Variants in TNK2 observed in about 807,000 individuals in gnomAD.
TNK2 encodes the protein tyrosine kinase non receptor 2.
Under a neutral mutation model 101.8 loss-of-function variants are expected in TNK2, and 83 were observed. That is an observed-to-expected ratio of 0.82 (90% CI 0.68 to 0.98). The LOEUF is 0.98. Among genes scored for constraint, TNK2 ranks in the 50% least tolerant of loss-of-function variants. The pLI, the probability that TNK2 is intolerant of heterozygous loss-of-function variation, is 0.00. For synonymous variants in TNK2, 804 were observed against 633.0 expected, an observed-to-expected ratio of 1.27 and a Z score of -4.06; for missense variants, 1,665 against 1,483.2, an observed-to-expected ratio of 1.12 and a Z score of -2.01.
chr3:195,901,456 G>A (rs1209802623), intron 1 of TNK2, among the ~76,000 whole-genome samples: 1 of 152,152 alleles, frequency 6.6e-6, no homozygotes, highest in Admixed American at 6.5e-5. Context: ...CAGTATACAG[G>A]GGACAGAGGG....
At chr3:195,895,662 G>T in intron 1 of TNK2, 3 of 1,206,124 alleles carry the variant, frequency 2.5e-6, no homozygotes, top group East Asian at 3.2e-5. Flanking sequence ...GCGGAACCGG[G>T]CTCCACTCAG....
chr3:195,900,297 A>T (rs958443880), intron 1 of TNK2, among the ~76,000 whole-genome samples: 3 of 151,672 alleles, frequency 2.0e-5, no homozygotes, highest in African/African-American at 4.9e-5. Context: ...CAGAGCACAG[A>T]GGCAGAGGCA....
In TNK2 at chr3:195,872,134, G is replaced by C. The variant is rs572630168; in HGVS notation, c.1451+142C>G. 2.1e-4 allele frequency: 201 copies of C among 957,664 alleles called. No homozygotes were observed. In the East Asian group the frequency reaches 5.3e-3, roughly 25 times the overall value. The allele number at this position is 957,664 out of a possible 1,614,324, so 59.3% of individuals were successfully genotyped here. A position where few individuals can be genotyped will look rare whatever the true frequency, so the allele number is the denominator to read the frequency against. ...CCACAGCTTCCCGAGAGTAAGGCCA[G>C]GGTGAGGAGGGGAGAGTGGCGGGTC... On this transcript the variant is annotated intron_variant, in intron 10 of 15. Coordinates refer to ENST00000672887, the MANE Select transcript of TNK2 (RefSeq NM_001382273.1).
chr3:195,870,480 A>AC (rs1425416886), intron 10 of TNK2: 10 of 1,145,506 alleles, frequency 8.7e-6, no homozygotes, highest in East Asian at 1.1e-4. Context: ...GTCCTCCACA[A>AC]CCCCCCAGGC....
intron 1 of TNK2, chr3:195,896,372 G>T: frequency 3.2e-6 from 1 of 314,422 alleles, no homozygotes; most frequent in South Asian, 2.2e-5. Flanking sequence ...GCCAGACCCT[G>T]GAAGGTCACT....
At chr3:195,866,491 G>A (rs1204157348) in intron 15 of TNK2, among the ~76,000 whole-genome samples, 3 of 152,202 alleles carry the variant, frequency 2.0e-5, no homozygotes, top group South Asian at 2.1e-4. Context: ...CATGAGCCAC[G>A]GTGCCCAGCC....
intron 1 of TNK2, among the ~76,000 whole-genome samples, chr3:195,900,043 G>A (rs958273575): frequency 1.3e-5 from 2 of 152,052 alleles, no homozygotes; most frequent in Admixed American, 6.5e-5. Flanking sequence ...CAACCACTCC[G>A]ACCCCAGACC....
chr3:195,882,223 C>T lies in TNK2; in HGVS notation c.715G>A (p.Gly239Ser). ...CGCTTGGACTCCAGGTAGCCCATGCCCTCAGCCACCTGCACAGCGTAGCGG... is the reference window on the plus strand; with the variant it reads ...CGCTTGGACTCCAGGTAGCCCATGCTCTCAGCCACCTGCACAGCGTAGCGG... Reference protein sequence around the residue: ...LSRYAVQVAEGMGYLESKRFI... With the variant: ...LSRYAVQVAESMGYLESKRFI... Residue 239 changes from glycine to serine, a missense_variant, in exon 6 of 16, where the codon GGC becomes AGC. By Grantham distance (56) the Gly-to-Ser change is moderately conservative (BLOSUM62 0). Coordinates refer to ENST00000672887, the MANE Select transcript of TNK2 (RefSeq NM_001382273.1). The surrounding 1 kb of genome is among the most constrained non-coding windows in gnomAD (Gnocchi z 4.2). 3 of 1,613,820 alleles carry T rather than the reference C, an allele frequency of 1.9e-6. No individual in the cohort carries two copies. In the East Asian group the frequency reaches 6.7e-5, roughly 36 times the overall value.
chr3:195,885,436 C>T lies in TNK2; in HGVS notation c.235-403G>A, dbSNP rs1416292698. The stretch of plus-strand genomic sequence containing the variant: ...ACCCGCATCGATGGAGCCGCAGGGG[C>T]CCTCCACAGACACCTCCTTGTCCAT... On this transcript the variant is annotated intron_variant, in intron 3 of 15. Transcript: ENST00000672887. The surrounding 1 kb of genome is among the most constrained non-coding windows in gnomAD (Gnocchi z 4.7). 1 of 1,326,566 alleles carries T rather than the reference C, an allele frequency of 7.5e-7. No individual in the cohort carries two copies. The highest frequency in any genetic ancestry group is 1.2e-5 in the South Asian group (1 of 81,282). 82.2% of individuals were successfully genotyped at this position (1,326,566 alleles called of 1,614,324 possible).
intron 1 of TNK2, among the ~76,000 whole-genome samples, chr3:195,889,488 T>TACACAG: frequency 6.6e-6 from 1 of 152,088 alleles, no homozygotes; most frequent in East Asian, 1.9e-4. Context: ...TGATGTCTTC[T>TACACAG]GCGGACGCTT....
At chr3:195,887,823 T>G (rs1756498077) in intron 2 of TNK2, among the ~76,000 whole-genome samples, 1 of 135,864 alleles carries the variant, frequency 7.4e-6, no homozygotes, top group Admixed American at 7.0e-5. Flanking sequence ...TGCATGCGGG[T>G]GTGCGCACAC....
chr3:195,898,578 C>T (rs1387529660), intron 1 of TNK2, among the ~76,000 whole-genome samples: 1 of 152,184 alleles, frequency 6.6e-6, no homozygotes, highest in African/African-American at 2.4e-5. Flanking sequence ...CTCTATGTCC[C>T]AGCCAAGCCA....
At chr3:195,866,567 G>C (rs1219623649) in intron 15 of TNK2, among the ~76,000 whole-genome samples, 1 of 152,176 alleles carries the variant, frequency 6.6e-6, no homozygotes, top group Non-Finnish European at 1.5e-5. Flanking sequence ...AAAGAGGTGT[G>C]CAAATCATGG....
At chr3:195,881,922 A>G in intron 6 of TNK2, 129 bp downstream of exon 6, 3 of 1,124,500 alleles carry the variant, frequency 2.7e-6, no homozygotes, top group South Asian at 1.6e-5. Flanking sequence ...AAAGGAGGGC[A>G]CCCCAGGCTT....
At chr3:195,872,035 A>T (rs577878253) in intron 10 of TNK2, among the ~76,000 whole-genome samples, 12 of 144,218 alleles carry the variant, frequency 8.3e-5, no homozygotes, top group African/African-American at 3.1e-4. Context: ...CCCCTGGAGA[A>T]CCCTCCCCTG....
At chr3:195,887,849 TGC>T (rs1351908145) in intron 2 of TNK2, among the ~76,000 whole-genome samples, 277 of 91,786 alleles carry the variant, frequency 3.0e-3, no homozygotes, top group African/African-American at 5.3e-3. Context: ...TGTGTGTGTG[TGC>T]GTGTCTGTGT....
Position 195,882,447 on chromosome 3 carries a change from T to C in TNK2, c.610-119A>G. ...TTCCAGAGCCAGGCTGCACGCACCTTCCTGGCCTGCTGTCTGGGGACCTCT... is the reference window on the plus strand; with the variant it reads ...TTCCAGAGCCAGGCTGCACGCACCTCCCTGGCCTGCTGTCTGGGGACCTCT... On this transcript the variant is annotated intron_variant, in intron 5 of 15. Transcript: ENST00000672887. This position sits in a 1 kb window ranked among gnomAD's most constrained non-coding sequence, Gnocchi z 4.2. 2 of 1,555,440 alleles carry C rather than the reference T, an allele frequency of 1.3e-6. No homozygotes were observed. Among genetic ancestry groups the C allele is most frequent in the Non-Finnish European group, 1.7e-6 (2 of 1,151,102 alleles).
At chr3:195,903,482 C>T (rs1306047106) in intron 1 of TNK2, among the ~76,000 whole-genome samples, 3 of 152,066 alleles carry the variant, frequency 2.0e-5, no homozygotes, top group African/African-American at 7.2e-5. Flanking sequence ...TTTGGCAGGC[C>T]GAGGCGGGCA....
chr3:195,867,853 G>A lies in TNK2; in HGVS notation c.2445C>T (p.Ser815=). The change falls in exon 13 of 16, where the codon AGC becomes AGT. Residue 815 remains serine, a synonymous_variant. Coordinates refer to ENST00000672887, the MANE Select transcript of TNK2 (RefSeq NM_001382273.1). ...RTPSPLVPPG[S]SPLPPRLSSS... ...TTGAGAGCCGGGGTGGCAGCGGGGA[G>A]CTGCCAGGTGGTACCAGGGGGCTGG... 17 of 1,532,022 alleles carry A rather than the reference G, an allele frequency of 1.1e-5. No individual in the cohort carries two copies. Among genetic ancestry groups the A allele is most frequent in the Non-Finnish European group, 1.4e-5 (16 of 1,144,562 alleles). 94.9% of individuals were successfully genotyped at this position (1,532,022 alleles called of 1,614,324 possible).
Sources: gnomAD v4.1 joint callset for allele counts (sites outside exome capture counted in the v4.1 genomes callset) on GRCh38, gnomAD v4.1.1 for gene constraint, Gnocchi (gnomAD v3.1) non-coding constraint, MANE v1.5 for transcripts, NCBI Gene and HGNC (gene_info 2026-07-23, HGNC 2026-07-21) for gene names.